The following TASP1 variants were observed in gnomAD, a reference collection of about 807,000 sequenced individuals.
TASP1 encodes threonine aspartase 1.
In TASP1, 16 loss-of-function variants were observed where a neutral mutation model predicts 56.6. The observed-to-expected ratio is 0.28, with a 90% CI of 0.19 to 0.43. TASP1 has a LOEUF of 0.43. Among genes scored for constraint, TASP1 ranks in the 20% least tolerant of loss-of-function variants. The pLI, the probability that TASP1 is intolerant of heterozygous loss-of-function variation, is 1.00. For missense variants in TASP1, 393 were observed against 511.6 expected, an observed-to-expected ratio of 0.77 and a Z score of 2.24; for synonymous variants, 179 against 184.2, an observed-to-expected ratio of 0.97 and a Z score of 0.23.
the TASP1 span, among the ~76,000 whole-genome samples, chr20:13,344,207 G>A: frequency 1.3e-5 from 2 of 152,038 alleles, no homozygotes; most frequent in Non-Finnish European, 2.9e-5. Context: ...AAGTACCCTT[G>A]ATCTTGACCT....
the TASP1 span, among the ~76,000 whole-genome samples, chr20:13,219,672 GAGTT>G: frequency 1.3e-5 from 2 of 152,102 alleles, no homozygotes; most frequent in Non-Finnish European, 1.5e-5. Context: ...TAAGATGCTG[GAGTT>G]AGTTAGAATT....
the TASP1 span, among the ~76,000 whole-genome samples, chr20:13,181,483 T>C: frequency 6.6e-6 from 1 of 152,142 alleles, no homozygotes; most frequent in Non-Finnish European, 1.5e-5. Flanking sequence ...CATCTAATCT[T>C]GAGGTCTATG....
intron 10 of TASP1, among the ~76,000 whole-genome samples, chr20:13,484,174 TG>T (rs2043239669): frequency 6.6e-6 from 1 of 152,174 alleles, no homozygotes; most frequent in Non-Finnish European, 1.5e-5. Flanking sequence ...CTGGAAAGGA[TG>T]TGGAGAAACA....
the TASP1 span, among the ~76,000 whole-genome samples, chr20:13,256,879 A>G: frequency 6.6e-6 from 1 of 152,162 alleles, no homozygotes; most frequent in East Asian, 1.9e-4. Flanking sequence ...GTGTTTGAGC[A>G]AGGCTGGCAT....
At chr20:13,359,771 C>G in the TASP1 span, among the ~76,000 whole-genome samples, 1 of 151,934 alleles carries the variant, frequency 6.6e-6, no homozygotes, top group South Asian at 2.1e-4. Context: ...TATTCCTGGA[C>G]TACAGCTATA....
At chr20:13,220,904 C>G in the TASP1 span, among the ~76,000 whole-genome samples, 4 of 152,190 alleles carry the variant, frequency 2.6e-5, no homozygotes, top group South Asian at 4.1e-4. Flanking sequence ...CCCACAGCCC[C>G]GAGCCTCAGT....
chr20:13,239,967 T>G, the TASP1 span, among the ~76,000 whole-genome samples: 1 of 152,254 alleles, frequency 6.6e-6, no homozygotes, highest in Admixed American at 6.5e-5. Flanking sequence ...ACATCTAAAG[T>G]GCTGGGATCC....
At chr20:13,431,120 G>A (rs1382251009) in intron 12 of TASP1, among the ~76,000 whole-genome samples, 2 of 151,820 alleles carry the variant, frequency 1.3e-5, no homozygotes, top group Non-Finnish European at 2.9e-5. Context: ...ATACACAGCA[G>A]TTAAGTTTTT....
chr20:13,439,430 C>G (rs1241645245), intron 11 of TASP1, among the ~76,000 whole-genome samples: 11 of 152,264 alleles, frequency 7.2e-5, no homozygotes, highest in African/African-American at 2.6e-4. Flanking sequence ...ACCACATGTT[C>G]TCACTCATAG....
intron 7 of TASP1, among the ~76,000 whole-genome samples, chr20:13,567,319 C>T (rs1042303614): frequency 7.9e-5 from 12 of 152,076 alleles, no homozygotes; most frequent in East Asian, 1.9e-4. Context: ...AACTAAAGGG[C>T]ACTTAGCTTA....
At chr20:13,174,980 G>A in the TASP1 span, among the ~76,000 whole-genome samples, 1 of 152,126 alleles carries the variant, frequency 6.6e-6, no homozygotes, top group African/African-American at 2.4e-5. Context: ...CCCTGCATAA[G>A]CTGTCTTGCC....
the TASP1 span, among the ~76,000 whole-genome samples, chr20:13,112,606 G>A: frequency 1.3e-5 from 2 of 152,170 alleles, no homozygotes; most frequent in African/African-American, 4.8e-5. Context: ...AATCAACCTG[G>A]TGATGACACA....
chr20:13,545,717 C>T (rs928684508), intron 8 of TASP1, among the ~76,000 whole-genome samples: 3 of 152,118 alleles, frequency 2.0e-5, no homozygotes, highest in African/African-American at 7.2e-5. Flanking sequence ...TTGTCTACCT[C>T]TCTAGACCTG....
intron 6 of TASP1, among the ~76,000 whole-genome samples, chr20:13,574,693 AAC>A (rs1213639144): frequency 2.6e-5 from 4 of 152,200 alleles, no homozygotes; most frequent in Non-Finnish European, 5.9e-5. Flanking sequence ...AAAGAAATAA[AAC>A]ACAAGCTGAA....
the TASP1 span, among the ~76,000 whole-genome samples, chr20:13,198,896 CTCCT>C: frequency 9.9e-6 from 1 of 101,228 alleles, no homozygotes; most frequent in East Asian, 2.7e-4. Flanking sequence ...CCTTCCTTCC[CTCCT>C]TCCTTCCTTC....
chr20:13,283,557 C>G, the TASP1 span, among the ~76,000 whole-genome samples: 1 of 152,104 alleles, frequency 6.6e-6, no homozygotes, highest in Non-Finnish European at 1.5e-5. Flanking sequence ...AAGACAGACC[C>G]CACTTGTGAT....
At chr20:13,373,624 ATTTTAT>A in the TASP1 span, among the ~76,000 whole-genome samples, 14 of 152,172 alleles carry the variant, frequency 9.2e-5, no homozygotes, top group African/African-American at 3.4e-4. Context: ...TCAGTTGTTC[ATTTTAT>A]TGGGGTTCCC....
chr20:13,621,721 G>T (rs1170230094), intron 4 of TASP1, among the ~76,000 whole-genome samples: 1 of 152,086 alleles, frequency 6.6e-6, no homozygotes, highest in East Asian at 1.9e-4. Context: ...AACACTAGGG[G>T]AAAATAGAAT....
At chr20:13,253,889 A>T in the TASP1 span, among the ~76,000 whole-genome samples, 1 of 151,728 alleles carries the variant, frequency 6.6e-6, no homozygotes, top group Non-Finnish European at 1.5e-5. Flanking sequence ...GTGTGTGTGT[A>T]TGTTTATACA....
Sources: allele counts gnomAD v4.1 joint callset (sites outside exome capture counted in the v4.1 genomes callset), GRCh38; gene constraint gnomAD v4.1.1; transcripts MANE v1.5; gene names NCBI Gene and HGNC (gene_info 2026-07-23, HGNC 2026-07-21).